Variants in RYR3 observed in about 807,000 individuals in gnomAD.
The protein encoded by RYR3 is ryanodine receptor 3.
In RYR3, 207 loss-of-function variants were observed where a neutral mutation model predicts 584.3. The ratio of observed to expected loss-of-function variants is 0.35; its 90% confidence interval spans 0.32 to 0.40. The LOEUF (loss-of-function observed/expected upper bound fraction) is 0.40, where lower values mean the gene tolerates loss of function less well. Ranked by LOEUF, RYR3 falls within the 10% of genes least tolerant of loss-of-function variation. The pLI is 1.00. For missense variants in RYR3, 5,616 were observed against 6,089.2 expected (o/e 0.92, Z 2.59); for synonymous variants, 2,416 against 2,248.5 (o/e 1.07, Z -2.11).
At position 33,736,290 on chromosome 15, in the gene RYR3, C is replaced by T; in HGVS notation, c.7480C>T (p.Pro2494Ser). The change falls in exon 49 of 104, where the codon CCG becomes TCG. Residue 2494 changes from proline (P) to serine (S), a missense_variant. Pro to Ser is a moderately conservative substitution (Grantham distance 74). This residue lies in a region of RYR3 where 1,280 missense variants were observed against 1,426.2 expected (regional missense o/e 0.90). Coordinates refer to ENST00000634891, the MANE Select transcript of RYR3 (RefSeq NM_001036.6). ...CCTGCGACGCCTCGTTTTTGATGTG[C>T]CGCAACTCAATGAATACTGCAAAAT... ...QLLRRLVFDV[P>S]QLNEYCKMPL... is the part of the protein sequence containing the mutation. 1.2e-6 allele frequency: 2 copies of T among 1,612,904 alleles called. No homozygotes were observed. The highest frequency in any genetic ancestry group is 1.7e-6 in the Non-Finnish European group (2 of 1,179,452).
rs115679763 is a variant in RYR3, at chr15:33,821,620, C to A, written c.10995+18C>A. 1 of 1,611,636 alleles carries A rather than the reference C, an allele frequency of 6.2e-7. No individual in the cohort carries two copies. The highest frequency in any genetic ancestry group is 8.5e-7 in the Non-Finnish European group (1 of 1,178,112). ...TGCAACAGGTAACGGGAACTTGCAG[C>A]GGCTGGGCAGGCTCCCGGGGTATTC... On this transcript the variant is annotated intron_variant, in intron 80 of 103. Coordinates refer to ENST00000634891, the MANE Select transcript of RYR3 (RefSeq NM_001036.6).
chr15:33,503,670 G>A lies in RYR3; in HGVS notation c.211G>A (p.Glu71Lys), dbSNP rs1485792606. ...TCTCTGCGTCTGCAATTTTGTGCTG[G>A]AACAGTCCCTATCTGTCAGAGCCCT... is the stretch of plus-strand genomic sequence containing the variant. ...PDLCVCNFVL[E>K]QSLSVRALQE... Residue 71 changes from glutamate (E) to lysine (K), a missense_variant, in exon 3 of 104, where the codon GAA becomes AAA. Coordinates refer to ENST00000634891, the MANE Select transcript of RYR3 (RefSeq NM_001036.6). 6.2e-7 allele frequency: 1 copy of A among 1,612,968 alleles called. No individual in the cohort carries two copies. The highest frequency in any genetic ancestry group is 2.2e-5 in the East Asian group (1 of 44,880).
chr15:33,850,232 T>C (rs1263649718), intron 94 of RYR3: 1 of 152,050 alleles, frequency 6.6e-6, no homozygotes. Flanking sequence ...TACAAAAAAA[T>C]TAGCTGAGCG....
chr15:33,650,638 A>G (rs1222585690), intron 31 of RYR3, among the ~76,000 whole-genome samples: 2 of 152,224 alleles, frequency 1.3e-5, no homozygotes, highest in Non-Finnish European at 2.9e-5. Context: ...GATTGGCCCC[A>G]ACATCTTCCA....
chr15:33,529,989 G>A (rs1055175797), intron 3 of RYR3, among the ~76,000 whole-genome samples: 1 of 152,160 alleles, frequency 6.6e-6, no homozygotes, highest in Non-Finnish European at 1.5e-5. Flanking sequence ...GAACTGCCTG[G>A]TGAGGCAGAG....
chr15:33,507,811 C>T (rs2052607511), intron 3 of RYR3, among the ~76,000 whole-genome samples: 1 of 152,064 alleles, frequency 6.6e-6, no homozygotes, highest in East Asian at 1.9e-4. Context: ...CTTTCTGTAC[C>T]TTACTTTCCA....
intron 64 of RYR3, among the ~76,000 whole-genome samples, chr15:33,774,664 AGAAATT>A (rs2073868883): frequency 6.6e-6 from 1 of 152,244 alleles, no homozygotes; most frequent in Non-Finnish European, 1.5e-5. Context: ...CCAGAATACA[AGAAATT>A]GAGGAACTAA....
intron 71 of RYR3, 28 bp from the exon 72 acceptor site, chr15:33,810,950 G>A (rs2076501115): frequency 6.3e-7 from 1 of 1,587,198 alleles, no homozygotes; most frequent in South Asian, 1.2e-5. Flanking sequence ...TGATCTCCGG[G>A]AATAAAATCT....
At chr15:33,577,929 C>T (rs936293943) in intron 12 of RYR3, among the ~76,000 whole-genome samples, 3 of 151,908 alleles carry the variant, frequency 2.0e-5, no homozygotes, top group African/African-American at 7.3e-5. Context: ...AAAAGAAAAA[C>T]TCATTAAAAA....
At position 33,666,560 on chromosome 15, in the gene RYR3, G is replaced by T. The variant is rs182513223; in HGVS notation, c.5620-2794G>T. ...ATATGGTGGATTTAGATCAATTTCAGAGAATAGCAATGCAAAATCACTTAG... is the reference window on the plus strand; with the variant it reads ...ATATGGTGGATTTAGATCAATTTCATAGAATAGCAATGCAAAATCACTTAG... On this transcript the variant is annotated intron_variant, in intron 36 of 103. Coordinates refer to ENST00000634891, the MANE Select transcript of RYR3 (RefSeq NM_001036.6). 2.6e-3 allele frequency among the ~76,000 whole-genome samples: 401 copies of T among 152,280 alleles called. 5 individuals are homozygous for T. Among genetic ancestry groups the T allele is most frequent in the African/African-American group, 8.7e-3 (362 of 41,524 alleles).
chr15:33,807,831 GCT>G, intron 70 of RYR3: 1 of 525,702 alleles, frequency 1.9e-6, no homozygotes. Context: ...CCCTTCTCCA[GCT>G]GCCCTCTCGG....
intron 43 of RYR3, among the ~76,000 whole-genome samples, chr15:33,717,446 T>C (rs369535127): frequency 1.3e-5 from 2 of 152,314 alleles, no homozygotes; most frequent in African/African-American, 4.8e-5. Context: ...TCAACTTTTT[T>C]CCTTATTCCC....
At chr15:33,834,317 C>T (rs899059879) in intron 86 of RYR3, among the ~76,000 whole-genome samples, 8 of 145,472 alleles carry the variant, frequency 5.5e-5, no homozygotes, top group Admixed American at 2.1e-4. Flanking sequence ...CACACACACA[C>T]ACACACAGTG....
chr15:33,663,088 A>G (rs1001960960), intron 35 of RYR3, 140 bp downstream of exon 35: 1 of 738,710 alleles, frequency 1.4e-6, no homozygotes, highest in African/African-American at 1.7e-5. Flanking sequence ...CTTGATGATT[A>G]TGGTGCTTGT....
At chr15:33,535,731 C>T (rs1489266458) in intron 5 of RYR3, among the ~76,000 whole-genome samples, 1 of 152,076 alleles carries the variant, frequency 6.6e-6, no homozygotes, top group Non-Finnish European at 1.5e-5. Context: ...TTGTTAGAGC[C>T]TTAAATAAAA....
chr15:33,442,158 A>G (rs912883143), intron 1 of RYR3, among the ~76,000 whole-genome samples: 3 of 152,236 alleles, frequency 2.0e-5, no homozygotes, highest in Non-Finnish European at 2.9e-5. Flanking sequence ...ATTAGGTATT[A>G]TGTATCCCTC....
chr15:33,611,479 C>T (rs2152565849), intron 18 of RYR3, among the ~76,000 whole-genome samples: 1 of 151,630 alleles, frequency 6.6e-6, no homozygotes, highest in East Asian at 2.0e-4. Flanking sequence ...TGGCGTGAAC[C>T]CAGGAGGTGG....
intron 3 of RYR3, among the ~76,000 whole-genome samples, chr15:33,505,305 CTT>C (rs1027837434): frequency 6.6e-6 from 1 of 152,176 alleles, no homozygotes. Context: ...TTTTTTCACT[CTT>C]TTGATTTATA....
At chr15:33,312,933 C>T (rs1317916835) in intron 1 of RYR3, among the ~76,000 whole-genome samples, 4 of 152,148 alleles carry the variant, frequency 2.6e-5, no homozygotes, top group Non-Finnish European at 5.9e-5. Flanking sequence ...AGTTTTGTGT[C>T]CTGGGCTTCC....
Sources: gnomAD v4.1 joint callset for allele counts (sites outside exome capture counted in the v4.1 genomes callset) on GRCh38, gnomAD v4.1.1 for gene constraint, gnomAD v4.1.1 regional missense constraint, MANE v1.5 for transcripts, NCBI Gene and HGNC (gene_info 2026-07-23, HGNC 2026-07-21) for gene names.